MDGA2: variants seen among roughly 807,000 people sequenced by gnomAD.
The protein encoded by MDGA2 is MAM domain containing glycosylphosphatidylinositol anchor 2, also known as MAM domain-containing glycosylphosphatidylinositol anchor protein 2.
MDGA2 carries 40 observed loss-of-function variants against 117.8 expected under a neutral mutation model. The ratio of observed to expected loss-of-function variants is 0.34; its 90% CI spans 0.26 to 0.44. MDGA2 has a LOEUF of 0.44. Among genes scored for constraint, MDGA2 ranks in the 20% least tolerant of loss-of-function variants. The pLI is 1.00. For synonymous variants in MDGA2, 452 were observed against 439.0 expected (o/e 1.03, Z -0.37); for missense variants, 1,123 against 1,250.6 (o/e 0.90, Z 1.54).
intron 5 of MDGA2, among the ~76,000 whole-genome samples, chr14:47,105,814 T>G (rs1464892037): frequency 6.6e-6 from 1 of 151,792 alleles, no homozygotes; most frequent in Non-Finnish European, 1.5e-5. Flanking sequence ...ATCTTCCTTT[T>G]CTACAGACCC....
intron 1 of MDGA2, among the ~76,000 whole-genome samples, chr14:47,305,846 G>A (rs1294428259): frequency 2.0e-5 from 3 of 152,174 alleles, no homozygotes; most frequent in Non-Finnish European, 4.4e-5. Flanking sequence ...CAAAGCAGAC[G>A]ATAGCTAAAT....
At chr14:47,188,532 T>C (rs1172919999) in intron 3 of MDGA2, among the ~76,000 whole-genome samples, 1 of 152,148 alleles carries the variant, frequency 6.6e-6, no homozygotes, top group Non-Finnish European at 1.5e-5. Flanking sequence ...TACGTGAGAC[T>C]CTAAGGAGGA....
At chr14:47,118,197 C>T (rs779762689) in intron 5 of MDGA2, among the ~76,000 whole-genome samples, 1 of 152,148 alleles carries the variant, frequency 6.6e-6, no homozygotes, top group Non-Finnish European at 1.5e-5. Flanking sequence ...ATTCAAGGAG[C>T]TACATTTCTT....
At chr14:46,935,935 A>G (rs910221752) in intron 9 of MDGA2, among the ~76,000 whole-genome samples, 2 of 152,182 alleles carry the variant, frequency 1.3e-5, no homozygotes, top group African/African-American at 4.8e-5. Context: ...ACCTATGATA[A>G]TTCAGAGGTC....
At chr14:47,524,845 CTAAA>C (rs1035736253) in intron 1 of MDGA2, among the ~76,000 whole-genome samples, 7 of 152,146 alleles carry the variant, frequency 4.6e-5, no homozygotes, top group African/African-American at 7.2e-5. Context: ...AAGTTAATGA[CTAAA>C]TGAATGATTT....
At chr14:46,970,478 G>T (rs1886220686) in intron 8 of MDGA2, among the ~76,000 whole-genome samples, 1 of 152,054 alleles carries the variant, frequency 6.6e-6, no homozygotes, top group African/African-American at 2.4e-5. Context: ...AAATGGTGCT[G>T]GGAAAACTGA....
chr14:47,373,472 A>C (rs1891410376), intron 1 of MDGA2, among the ~76,000 whole-genome samples: 1 of 152,194 alleles, frequency 6.6e-6, no homozygotes, highest in Non-Finnish European at 1.5e-5. Context: ...ATTTTTGGTA[A>C]TAAAAAGGAA....
intron 4 of MDGA2, among the ~76,000 whole-genome samples, chr14:47,139,745 T>A (rs1245013208): frequency 1.3e-5 from 2 of 149,454 alleles, no homozygotes; most frequent in African/African-American, 4.9e-5. Flanking sequence ...TATATATGTA[T>A]ATGTTTATAT....
In MDGA2 at chr14:46,864,073, A is replaced by T. The variant is rs185262779; in HGVS notation, c.2753-8919T>A. Among the ~76,000 whole-genome samples the T allele has an allele frequency of 0.021, 909 of 43,060 alleles. 37 individuals carry two copies. The East Asian group carries it at 0.3, about 14-fold the overall frequency. 28.2% of individuals were successfully genotyped at this position (43,060 alleles called of 152,430 possible). Reference sequence around the variant, plus strand: ...GATGCTATCCCTCCCCCCTCCCCCCACCCCCCACCCCACAACAGTGAAAAG... The same window carrying T: ...GATGCTATCCCTCCCCCCTCCCCCCTCCCCCCACCCCACAACAGTGAAAAG... On this transcript the variant is annotated intron_variant, in intron 14 of 16. Transcript: ENST00000399232.
intron 2 of MDGA2, among the ~76,000 whole-genome samples, chr14:47,233,089 C>T (rs1308011366): frequency 6.6e-6 from 1 of 152,120 alleles, no homozygotes; most frequent in Non-Finnish European, 1.5e-5. Context: ...AGTGTACTTA[C>T]ACTTTAATAA....
intron 1 of MDGA2, among the ~76,000 whole-genome samples, chr14:47,342,256 T>TATATATATATATATATATA: frequency 7.5e-6 from 1 of 134,070 alleles, no homozygotes; most frequent in African/African-American, 2.6e-5. Context: ...CACAAAATGT[T>TATATATATATATATATATA]TATATATATA....
At chr14:46,964,986 C>A (rs980886552) in intron 8 of MDGA2, among the ~76,000 whole-genome samples, 1 of 111,304 alleles carries the variant, frequency 9.0e-6, no homozygotes, top group Non-Finnish European at 1.6e-5. Context: ...TGCAGTGGCA[C>A]GATCTCGGCT....
intron 10 of MDGA2, among the ~76,000 whole-genome samples, chr14:46,919,136 G>T (rs926573803): frequency 6.6e-6 from 1 of 152,172 alleles, no homozygotes; most frequent in Non-Finnish European, 1.5e-5. Context: ...TGATAGAATA[G>T]CTGAATGAAT....
At chr14:47,230,705 C>G (rs1312040807) in intron 2 of MDGA2, among the ~76,000 whole-genome samples, 1 of 151,826 alleles carries the variant, frequency 6.6e-6, no homozygotes. Context: ...TGTAAATGAC[C>G]TTTACATCTG....
At chr14:47,489,459 C>G (rs1267347714) in intron 1 of MDGA2, among the ~76,000 whole-genome samples, 1 of 152,022 alleles carries the variant, frequency 6.6e-6, no homozygotes, top group Non-Finnish European at 1.5e-5. Flanking sequence ...TTCCTACATG[C>G]TACCTTTTTT....
In MDGA2 at chr14:47,522,952, C is replaced by T. The variant is rs148778361; in HGVS notation, c.280+151565G>A. On this transcript the variant is annotated intron_variant, in intron 1 of 16. Transcript: ENST00000399232. ...GCTAATCAAGGTAAATGGGGCCATACATTAAACATTCAAGAACGTTATTCA... is the reference window on the plus strand; with the variant it reads ...GCTAATCAAGGTAAATGGGGCCATATATTAAACATTCAAGAACGTTATTCA... Among the ~76,000 whole-genome samples the T allele has an allele frequency of 3.4e-4, 52 of 152,282 alleles. No individual in the cohort carries two copies. The East Asian group carries it at 5.6e-3, about 16-fold the overall frequency.
At chr14:46,970,164 G>A (rs1295433799) in intron 8 of MDGA2, among the ~76,000 whole-genome samples, 7 of 151,532 alleles carry the variant, frequency 4.6e-5, no homozygotes, top group Admixed American at 3.9e-4. Context: ...TTACAAAAAT[G>A]TCAATATCAT....
intron 8 of MDGA2, among the ~76,000 whole-genome samples, chr14:47,019,826 G>T (rs1476484074): frequency 1.4e-5 from 2 of 145,182 alleles, no homozygotes; most frequent in East Asian, 2.0e-4. Flanking sequence ...GCGACAGAGC[G>T]AGAGTCCGTC....
intron 14 of MDGA2, among the ~76,000 whole-genome samples, chr14:46,872,193 G>C (rs1455825946): frequency 6.6e-6 from 1 of 151,828 alleles, no homozygotes; most frequent in Non-Finnish European, 1.5e-5. Flanking sequence ...ACTTAATTGA[G>C]AGTATTACTT....
Sources: allele counts gnomAD v4.1 joint callset (sites outside exome capture counted in the v4.1 genomes callset), GRCh38; gene constraint gnomAD v4.1.1; transcripts MANE v1.5; gene names NCBI Gene and HGNC (gene_info 2026-07-23, HGNC 2026-07-21).